The following COL9A3 variants were observed in gnomAD, a reference collection of about 807,000 sequenced individuals.
COL9A3 encodes the protein collagen type IX alpha 3 chain.
Under a neutral mutation model 110.2 loss-of-function variants are expected in COL9A3, and 82 were observed. That is an observed-to-expected ratio of 0.74 (90% CI 0.62 to 0.89). The LOEUF (loss-of-function observed/expected upper bound fraction) is 0.89, where lower values mean the gene tolerates loss of function less well. COL9A3 is among the 40% of genes least tolerant of loss of function. The pLI is 0.00. For synonymous variants in COL9A3, 494 were observed against 403.8 expected (o/e 1.22, Z -2.68); for missense variants, 1,066 against 981.3 (o/e 1.09, Z -1.15).
intron 1 of COL9A3, 200 bp downstream of exon 1, chr20:62,817,342 G>A: frequency 4.1e-6 from 2 of 486,614 alleles, no homozygotes; most frequent in Non-Finnish European, 6.9e-6. Context: ...GTCGGCCGGC[G>A]CCGCCGCCTC....
rs78381731 is a variant in COL9A3, at chr20:62,838,773, C to T, written c.1864+12C>T. ...CCAGGGGCCCCAAGGTACGAGTCCA[C>T]GGCCAGCAAGGCTTCACTGGGTGAC... On this transcript the variant is annotated intron_variant, in intron 31 of 31. Coordinates refer to ENST00000649368, the MANE Select transcript of COL9A3 (RefSeq NM_001853.4). 5.0e-4 allele frequency: 778 copies of T among 1,549,660 alleles called. 3 individuals are homozygous for T. In the African/African-American group the frequency reaches 9.7e-3, roughly 19 times the overall value.
intron 25 of COL9A3, among the ~76,000 whole-genome samples, chr20:62,832,672 C>T (rs371215305): frequency 1.9e-5 from 2 of 106,304 alleles, no homozygotes; most frequent in Non-Finnish European, 4.3e-5. Context: ...GGGGCCATGG[C>T]CGTGGCTGCC....
chr20:62,838,236 G>T (rs538333253), intron 30 of COL9A3, among the ~76,000 whole-genome samples: 2 of 152,210 alleles, frequency 1.3e-5, no homozygotes, highest in African/African-American at 4.8e-5. Context: ...TTTCACTGTG[G>T]AACATCTGAG....
At position 62,837,106 on chromosome 20, in the gene COL9A3, C is replaced by A; in HGVS notation, c.1627C>A (p.His543Asn). Residue 543 changes from histidine (H) to asparagine (N), a missense_variant, in exon 30 of 32, where the codon CAC (histidine) becomes AAC (asparagine). Transcript: ENST00000649368. ...AGAACAAATTGCACAGTTAGCCGCGCACCTAAGGAAGCCTTTGGCACCCGG... is the reference window on the plus strand; with the variant it reads ...AGAACAAATTGCACAGTTAGCCGCGAACCTAAGGAAGCCTTTGGCACCCGG... ...ISEQIAQLAA[H>N]LRKPLAPGSI... 6.2e-7 allele frequency: 1 copy of A among 1,613,564 alleles called. No individual in the cohort carries two copies. Among genetic ancestry groups the A allele is most frequent in the Non-Finnish European group, 8.5e-7 (1 of 1,180,024 alleles).
At position 62,824,467 on chromosome 20, in the gene COL9A3, G is replaced by A. The variant is rs1568752649; in HGVS notation, c.542G>A (p.Gly181Asp). Residue 181 changes from glycine (G) to aspartate (D), a missense_variant, in exon 11 of 32, where the codon GGT becomes GAT. Transcript: ENST00000649368. The stretch of plus-strand genomic sequence containing the variant: ...CAGTGCCCAAGTATCTGCCCGCCAG[G>A]TCCCCCAGGGCCCCCTGGAATGCCA... ...DLQCPSICPP[G>D]PPGPPGMPGF... The A allele has an allele frequency of 6.2e-7, 1 of 1,600,156 alleles. No homozygotes were observed. The highest frequency in any genetic ancestry group is 8.5e-7 in the Non-Finnish European group (1 of 1,173,340).
In COL9A3 at chr20:62,825,764, G is replaced by A. The variant is rs192299652; in HGVS notation, c.631-53G>A. On this transcript the variant is annotated intron_variant, in intron 12 of 31. Transcript: ENST00000649368. ...AGTAGGGTGACTGGAGGCACCGAAA[G>A]GTGCAAGGAGAGCCAGACTGGGCCG... 1.2e-4 allele frequency: 191 copies of A among 1,536,900 alleles called. 1 individual carries two copies. In the African/African-American group the frequency reaches 2.1e-3, roughly 17 times the overall value.
chr20:62,817,831 G>A, intron 2 of COL9A3, 196 bp downstream of exon 2: 1 of 679,978 alleles, frequency 1.5e-6, no homozygotes. Flanking sequence ...GGTGGAGGGT[G>A]TCATGTGGTG....
At position 62,825,843 on chromosome 20, in the gene COL9A3, C is replaced by T. The variant is rs144189627; in HGVS notation, c.657C>T (p.Ala219=). 54 of 1,557,968 alleles carry T rather than the reference C, an allele frequency of 3.5e-5. No individual in the cohort carries two copies. In the African/African-American group the frequency reaches 6.1e-4, roughly 18 times the overall value. ...GTGACCCTGGCCCCCCTGGGCCCGC[C>T]GGCCTCCCGGGCAGCGTGGGGCTGC... ...EKGDPGPPGP[A]GLPGSVGLQG... The change falls in exon 13 of 32, where the codon GCC becomes GCT. Residue 219 remains alanine (A), a synonymous_variant. Coordinates refer to ENST00000649368, the MANE Select transcript of COL9A3 (RefSeq NM_001853.4).
At chr20:62,833,914 C>G (rs995506579) in intron 26 of COL9A3, among the ~76,000 whole-genome samples, 3 of 152,038 alleles carry the variant, frequency 2.0e-5, no homozygotes, top group African/African-American at 4.8e-5. Flanking sequence ...GAGTCTCGCT[C>G]TTTCGCCCAG....
chr20:62,830,198 G>A (rs1322820621), intron 22 of COL9A3, among the ~76,000 whole-genome samples, 162 bp from the exon 23 acceptor site: 1 of 152,082 alleles, frequency 6.6e-6, no homozygotes, highest in East Asian at 1.9e-4. Context: ...AAACTGCCCT[G>A]GGAGGTAGCC....
upstream of COL9A3, among the ~76,000 whole-genome samples, chr20:62,816,685 G>T (rs1004548072): frequency 3.3e-5 from 5 of 152,194 alleles, no homozygotes; most frequent in African/African-American, 1.2e-4. Context: ...AAACTCGCGG[G>T]TCTCCCCTGC....
intron 19 of COL9A3, among the ~76,000 whole-genome samples, chr20:62,829,234 G>A (rs959638054): frequency 4.6e-5 from 7 of 152,308 alleles, no homozygotes; most frequent in Non-Finnish European, 7.4e-5. Context: ...CCTGGATGCC[G>A]TGCGGTCATC....
intron 26 of COL9A3, among the ~76,000 whole-genome samples, chr20:62,835,628 G>A (rs771849758): frequency 3.9e-5 from 6 of 152,312 alleles, no homozygotes; most frequent in East Asian, 1.9e-4. Flanking sequence ...AGCATTAGGC[G>A]TGTTAGTAAG....
intron 5 of COL9A3, 81 bp from the exon 6 acceptor site, chr20:62,821,100 T>C: frequency 7.0e-7 from 1 of 1,424,946 alleles, no homozygotes; most frequent in East Asian, 2.3e-5. Context: ...GTTGGAGTTG[T>C]GACGTCACAC....
At chr20:62,835,146 G>A (rs768002545) in intron 26 of COL9A3, among the ~76,000 whole-genome samples, 7 of 152,354 alleles carry the variant, frequency 4.6e-5, no homozygotes, top group African/African-American at 1.4e-4. Flanking sequence ...GTCTGGGCCC[G>A]GTCGGTCCCT....
At chr20:62,817,031 C>G (rs1035963646), upstream of COL9A3, 1 of 1,199,918 alleles carries the variant, frequency 8.3e-7, no homozygotes, top group African/African-American at 1.6e-5. Context: ...GCGCGCCGCC[C>G]GCCCCGACGC....
rs945214083 is a variant in COL9A3, at chr20:62,837,132, G to C, written c.1653G>C (p.Gly551=). The C allele has an allele frequency of 2.5e-6, 4 of 1,613,330 alleles. No homozygotes were observed. The change falls in exon 30 of 32, where the codon GGG becomes GGC. Residue 551 remains glycine (G), a synonymous_variant. Transcript: ENST00000649368. The part of the protein sequence containing the change: ...AAHLRKPLAP[G]SIGRPGPAGP... ...ACCTAAGGAAGCCTTTGGCACCCGGGTCCATTGGTCGGCCCGGTCCAGCTG... is the reference window on the plus strand; with the variant it reads ...ACCTAAGGAAGCCTTTGGCACCCGGCTCCATTGGTCGGCCCGGTCCAGCTG...
Position 62,831,685 on chromosome 20 carries a change from C to T in COL9A3, c.1288-469C>T, listed in dbSNP as rs1272104756. 1.5e-5 allele frequency: 3 copies of T among 193,710 alleles called. No homozygotes were observed. The Admixed American group carries it at 1.6e-4, about 11-fold the overall frequency. 12.0% of individuals were successfully genotyped at this position (193,710 alleles called of 1,614,324 possible). The stretch of plus-strand genomic sequence containing the variant: ...CTGAATTTCCCTTTCACTTTAAACT[C>T]ACGGGAAAGTCTCCTGCTTTTCTGC... On this transcript the variant is annotated intron_variant, in intron 24 of 31. Coordinates refer to ENST00000649368, the MANE Select transcript of COL9A3 (RefSeq NM_001853.4).
At chr20:62,839,302 C>T (rs2063656957) in intron 31 of COL9A3, among the ~76,000 whole-genome samples, 1 of 152,048 alleles carries the variant, frequency 6.6e-6, no homozygotes, top group Non-Finnish European at 1.5e-5. Flanking sequence ...TGGTTAGATT[C>T]TGTTTAAGCT....
Sources: gnomAD v4.1 joint callset for allele counts (sites outside exome capture counted in the v4.1 genomes callset) on GRCh38, gnomAD v4.1.1 for gene constraint, MANE v1.5 for transcripts, NCBI Gene and HGNC (gene_info 2026-07-23, HGNC 2026-07-21) for gene names.